Variants in CWH43 observed in about 807,000 individuals in gnomAD.
The protein encoded by CWH43 is PGAP2-interacting protein.
CWH43 carries 91 observed loss-of-function variants against 85.7 expected under a neutral mutation model. That is an observed-to-expected ratio of 1.06 (90% CI 0.90 to 1.26). The LOEUF is 1.26. Ranked by LOEUF, CWH43 falls within the 50% of genes most tolerant of loss-of-function variation. The probability of loss-of-function intolerance (pLI) is 0.00; values close to 1 mark genes in which losing one functional copy is unlikely to be tolerated. For missense variants in CWH43, 869 were observed against 839.2 expected (o/e 1.04, Z -0.44); for synonymous variants, 323 against 293.6 (o/e 1.10, Z -1.02).
chr4:48,994,771 T>C lies in CWH43; in HGVS notation c.664T>C (p.Trp222Arg). ...VFGEVSLVSR[W>R]AVSGHPHPGP... ...TGGAGAAGTCTCTCTTGTTTCCAGA[T>C]GGGCAGTGAGTGGGCATCCACATCC... The change falls in exon 5 of 16, where the codon TGG becomes CGG. Residue 222 changes from tryptophan to arginine, a missense_variant. Trp to Arg is a moderately radical substitution (Grantham distance 101). Coordinates refer to ENST00000226432, the MANE Select transcript of CWH43 (RefSeq NM_025087.3). The C allele has an allele frequency of 1.2e-6, 2 of 1,614,028 alleles. No individual in the cohort carries two copies. Among genetic ancestry groups the C allele is most frequent in the Non-Finnish European group, 1.7e-6 (2 of 1,180,014 alleles).
chr4:48,990,516 T>A (rs1336177026), intron 2 of CWH43, among the ~76,000 whole-genome samples: 1 of 152,220 alleles, frequency 6.6e-6, no homozygotes. Context: ...ATCTCACTTC[T>A]GGCACCTCAG....
chr4:48,990,229 C>T (rs576339420), intron 2 of CWH43, among the ~76,000 whole-genome samples: 14 of 152,246 alleles, frequency 9.2e-5, no homozygotes, highest in African/African-American at 3.1e-4. Flanking sequence ...CTTTCTTCCT[C>T]CATGAAAACA....
At chr4:48,997,837 A>C (rs1782861859) in intron 5 of CWH43, among the ~76,000 whole-genome samples, 1 of 152,228 alleles carries the variant, frequency 6.6e-6, no homozygotes, top group African/African-American at 2.4e-5. Context: ...TATGTAGTGC[A>C]TGCTATGGTT....
At chr4:49,027,847 A>G (rs908820910) in intron 9 of CWH43, among the ~76,000 whole-genome samples, 4 of 152,154 alleles carry the variant, frequency 2.6e-5, no homozygotes, top group Non-Finnish European at 5.9e-5. Flanking sequence ...CTACCCTAGT[A>G]GGTAATCATT....
intron 15 of CWH43, among the ~76,000 whole-genome samples, chr4:49,060,023 G>T (rs1785096649): frequency 1.3e-5 from 2 of 152,182 alleles, no homozygotes; most frequent in South Asian, 4.1e-4. Flanking sequence ...CTGTACTCTG[G>T]AATTGGTGGA....
At chr4:49,032,110 C>T (rs983411609) in intron 11 of CWH43, among the ~76,000 whole-genome samples, 2 of 152,202 alleles carry the variant, frequency 1.3e-5, no homozygotes, top group African/African-American at 4.8e-5. Context: ...AAGGACTGAG[C>T]TCTGTGGCTT....
intron 9 of CWH43, among the ~76,000 whole-genome samples, chr4:49,027,347 G>A (rs191582258): frequency 9.8e-5 from 15 of 152,292 alleles, no homozygotes; most frequent in Admixed American, 3.9e-4. Context: ...CTGGATGAAG[G>A]GAGGTGGCAT....
At position 49,038,056 on chromosome 4, in the gene CWH43, T is replaced by C. The variant is rs1252005924; in HGVS notation, c.1679T>C (p.Leu560Pro). ...TTTAGAGATGACCTCGACAGGAAACTGCAGGCTATTGCTGTTTCAAAACTA... is the reference window on the plus strand; with the variant it reads ...TTTAGAGATGACCTCGACAGGAAACCGCAGGCTATTGCTGTTTCAAAACTA... ...GNHEDDLDRK[L>P]QAIAVSKLLK... The change falls in exon 13 of 16, where the codon CTG becomes CCG. Residue 560 changes from leucine (L) to proline (P), a missense_variant. Physicochemically the swap from Leu to Pro is moderately conservative, Grantham distance 98. Coordinates refer to ENST00000226432, the MANE Select transcript of CWH43 (RefSeq NM_025087.3). 6.2e-7 allele frequency: 1 copy of C among 1,604,970 alleles called. No homozygotes were observed. Among genetic ancestry groups the C allele is most frequent in the Admixed American group, 1.7e-5 (1 of 57,538 alleles).
rs753551144 is a variant in CWH43 at position 49,032,572 on chromosome 4, G to A, written c.1515G>A (p.Met505Ile). 2.5e-6 allele frequency: 4 copies of A among 1,613,924 alleles called. No individual in the cohort carries two copies. The highest frequency in any genetic ancestry group is 8.5e-7 in the Non-Finnish European group (1 of 1,179,890). The change falls in exon 12 of 16, where the codon ATG (methionine) becomes ATA (isoleucine). Residue 505 changes from methionine (M) to isoleucine (I), a missense_variant. By Grantham distance (10) the Met-to-Ile change is conservative. This residue lies in a region of CWH43 where 577 missense variants were observed against 513.1 expected (regional missense o/e 1.12). Coordinates refer to ENST00000226432, the MANE Select transcript of CWH43 (RefSeq NM_025087.3). ...PSTRYHTWGI[M>I]ALSRYPIVKS... ...TCTTTTCATTCCAATACAGGATTAT[G>A]GCTTTGTCAAGATACCCAATTGTGA...
intron 13 of CWH43, among the ~76,000 whole-genome samples, chr4:49,041,403 AT>A (rs1420117886): frequency 1.3e-5 from 2 of 152,006 alleles, no homozygotes; most frequent in Non-Finnish European, 2.9e-5. Context: ...ATTTGTTTGT[AT>A]CCTCTTTTAT....
chr4:49,001,811 C>T (rs969728650), intron 6 of CWH43, among the ~76,000 whole-genome samples: 25 of 152,150 alleles, frequency 1.6e-4, no homozygotes, highest in African/African-American at 5.3e-4. Context: ...ATTATTCTAA[C>T]GTCTTTAGAT....
intron 13 of CWH43, among the ~76,000 whole-genome samples, chr4:49,039,111 A>C (rs937351818): frequency 6.9e-6 from 1 of 145,752 alleles, no homozygotes; most frequent in Non-Finnish European, 1.5e-5. Context: ...TAAATAAATA[A>C]AAATTAAAAA....
At chr4:49,004,875 A>G (rs1783107207) in intron 7 of CWH43, among the ~76,000 whole-genome samples, 1 of 152,196 alleles carries the variant, frequency 6.6e-6, no homozygotes, top group South Asian at 2.1e-4. Flanking sequence ...TACCAAAATT[A>G]TAATTTCATA....
chr4:49,046,711 C>T (rs1445415785), intron 14 of CWH43, among the ~76,000 whole-genome samples: 1 of 151,934 alleles, frequency 6.6e-6, no homozygotes, highest in Non-Finnish European at 1.5e-5. Flanking sequence ...GAGGAGGATG[C>T]TGGATGTTGC....
At chr4:49,012,819 A>G (rs907362692) in intron 8 of CWH43, among the ~76,000 whole-genome samples, 12 of 152,218 alleles carry the variant, frequency 7.9e-5, no homozygotes, top group African/African-American at 2.4e-4. Flanking sequence ...AATAGGAAAT[A>G]TTGCAGAATA....
intron 15 of CWH43, among the ~76,000 whole-genome samples, chr4:49,060,012 C>T (rs1785096172): frequency 6.6e-6 from 1 of 152,080 alleles, no homozygotes; most frequent in Non-Finnish European, 1.5e-5. Flanking sequence ...GTCCTATGGG[C>T]CTGTACTCTG....
chr4:49,048,971 T>C (rs1784713753), intron 14 of CWH43, among the ~76,000 whole-genome samples: 1 of 152,166 alleles, frequency 6.6e-6, no homozygotes, highest in Non-Finnish European at 1.5e-5. Context: ...GCTTAATAAA[T>C]ACTTATTGGA....
In CWH43 at chr4:49,017,347, T is replaced by C. The variant is rs770357916; in HGVS notation, c.1266+19T>C. ...CAAAGTGGTAAGTAATTAAAAACCT[T>C]GAAATAGAATTTTATATGGTATATA... On this transcript the variant is annotated intron_variant, in intron 9 of 15. Coordinates refer to ENST00000226432, the MANE Select transcript of CWH43 (RefSeq NM_025087.3). The C allele has an allele frequency of 1.1e-5, 17 of 1,519,124 alleles. No homozygotes were observed. The highest frequency in any genetic ancestry group is 1.7e-5 in the Admixed American group (1 of 57,296). The allele number at this position is 1,519,124 out of a possible 1,614,324, so 94.1% of individuals were successfully genotyped here.
In CWH43 at chr4:49,007,278, A is replaced by G; in HGVS notation, c.1138A>G (p.Asn380Asp). 1 of 1,612,080 alleles carries G rather than the reference A, an allele frequency of 6.2e-7. No homozygotes were observed. The highest frequency in any genetic ancestry group is 8.5e-7 in the Non-Finnish European group (1 of 1,179,038). Reference sequence around the variant, plus strand: ...CCTTGACTTGCTTCTTCAAACAAAAAACAGTTCTAAAGTGCTTTTCAGAAA... The same window carrying G: ...CCTTGACTTGCTTCTTCAAACAAAAGACAGTTCTAAAGTGCTTTTCAGAAA... Reference protein sequence around the residue: ...KNLDLLLQTKNSSKVLFRKSE... With the variant: ...KNLDLLLQTKDSSKVLFRKSE... Residue 380 changes from asparagine (N) to aspartate (D), a missense_variant, in exon 8 of 16, where the codon AAC (asparagine) becomes GAC (aspartate). Asn to Asp is a conservative substitution (Grantham distance 23). Coordinates refer to ENST00000226432, the MANE Select transcript of CWH43 (RefSeq NM_025087.3).
Sources: allele counts gnomAD v4.1 joint callset (sites outside exome capture counted in the v4.1 genomes callset), GRCh38; gene constraint gnomAD v4.1.1; regional missense constraint gnomAD v4.1.1; transcripts MANE v1.5; gene names NCBI Gene and HGNC (gene_info 2026-07-23, HGNC 2026-07-21).